MERTK: variants seen among roughly 807,000 people sequenced by gnomAD.
MERTK encodes tyrosine-protein kinase Mer.
In MERTK, 69 loss-of-function variants were observed where a neutral mutation model predicts 99.3. The observed-to-expected ratio is 0.70, with a 90% CI of 0.57 to 0.85. The LOEUF is 0.85. MERTK is among the 40% of genes least tolerant of loss of function. The pLI is 0.00. For missense variants in MERTK, 1,125 were observed against 1,249.4 expected (o/e 0.90, Z 1.50); for synonymous variants, 426 against 467.6 (o/e 0.91, Z 1.15).
chr2:112,005,539 A>G (rs1349100554), intron 13 of MERTK, among the ~76,000 whole-genome samples: 1 of 152,112 alleles, frequency 6.6e-6, no homozygotes, highest in African/African-American at 2.4e-5. Context: ...CAGGAAGTGC[A>G]TTTCTGGAGC....
chr2:112,016,675 A>T (rs1405502917), intron 15 of MERTK, among the ~76,000 whole-genome samples: 1 of 152,238 alleles, frequency 6.6e-6, no homozygotes, highest in African/African-American at 2.4e-5. Context: ...CCCAGTTCTC[A>T]TGGAGATCGA....
At chr2:111,925,292 A>ATATATATATTTTT (rs372747015) in intron 1 of MERTK, among the ~76,000 whole-genome samples, 3 of 24,498 alleles carry the variant, frequency 1.2e-4, no homozygotes, top group African/African-American at 4.3e-4. Flanking sequence ...ATATATATAT[A>ATATATATATTTTT]TTTTTTTTTT....
intron 2 of MERTK, chr2:111,940,844 T>G (rs1172881103): frequency 1.5e-5 from 13 of 884,680 alleles, no homozygotes; most frequent in Non-Finnish European, 2.1e-5. Context: ...TTAACATCTC[T>G]GAGATACTTT....
intron 15 of MERTK, among the ~76,000 whole-genome samples, chr2:112,012,032 G>A (rs1213819621): frequency 6.6e-6 from 1 of 152,206 alleles, no homozygotes; most frequent in Non-Finnish European, 1.5e-5. Flanking sequence ...AAGTGTGCAA[G>A]GTAACTAGAC....
In MERTK at chr2:111,900,623, A is replaced by G. The variant is rs569240865; in HGVS notation, c.61+1827A>G. On this transcript the variant is annotated intron_variant, in intron 1 of 18. Coordinates refer to ENST00000295408, the MANE Select transcript of MERTK (RefSeq NM_006343.3). ...AACAAATTTTTGTAGCTGACAATCA[A>G]CTTTAATCAGACAATCATAAAAAGG... Among the ~76,000 whole-genome samples, 22 of 152,324 alleles carry G rather than the reference A, an allele frequency of 1.4e-4. No individual in the cohort carries two copies. In the East Asian group the frequency reaches 3.9e-3, roughly 27 times the overall value.
intron 1 of MERTK, among the ~76,000 whole-genome samples, chr2:111,921,315 C>T (rs1323430731): frequency 1.3e-5 from 2 of 152,094 alleles, no homozygotes; most frequent in Non-Finnish European, 2.9e-5. Flanking sequence ...GCCTGACCAA[C>T]ATGGTGAAAC....
At chr2:111,960,206 C>T (rs529670590) in intron 4 of MERTK, among the ~76,000 whole-genome samples, 33 of 151,972 alleles carry the variant, frequency 2.2e-4, no homozygotes, top group Non-Finnish European at 3.5e-4. Context: ...TTTGGCTGGA[C>T]GTGGTGGCTC....
At chr2:112,019,214 C>T in intron 15 of MERTK, 199 bp from the exon 16 acceptor site, 1 of 702,644 alleles carries the variant, frequency 1.4e-6, no homozygotes, top group Non-Finnish European at 2.6e-6. Context: ...ATGATGTTTG[C>T]CAAGAAGTTT....
At position 112,021,404 on chromosome 2, in the gene MERTK, G is replaced by A. The variant is rs765234228; in HGVS notation, c.2190-18G>A. The A allele has an allele frequency of 8.4e-5, 136 of 1,612,310 alleles. No homozygotes were observed. In the South Asian group the frequency reaches 9.4e-4, roughly 11 times the overall value. On this transcript the variant is annotated intron_variant, in intron 16 of 18. Coordinates refer to ENST00000295408, the MANE Select transcript of MERTK (RefSeq NM_006343.3). Reference sequence around the variant, plus strand: ...CATTGCCTCTGACGCTGCTGAAGACGTAACCTGCTCTCTGTAGGTTGCGAG... The same window carrying A: ...CATTGCCTCTGACGCTGCTGAAGACATAACCTGCTCTCTGTAGGTTGCGAG...
intron 10 of MERTK, among the ~76,000 whole-genome samples, chr2:111,999,075 T>C (rs375727529): frequency 6.6e-5 from 10 of 152,292 alleles, no homozygotes; most frequent in African/African-American, 2.2e-4. Context: ...GGCCCATAGA[T>C]GGTGTTGGTT....
intron 1 of MERTK, among the ~76,000 whole-genome samples, chr2:111,925,292 A>ATATT (rs372747015): frequency 0.013 from 307 of 24,518 alleles, 26 homozygotes; most frequent in East Asian, 0.021. Context: ...ATATATATAT[A>ATATT]TTTTTTTTTT....
In MERTK at chr2:112,021,534, G is replaced by A. The variant is rs878853353; in HGVS notation, c.2302G>A (p.Ala768Thr). 2.5e-5 allele frequency: 39 copies of A among 1,572,336 alleles called. No homozygotes were observed. Among genetic ancestry groups the A allele is most frequent in the East Asian group, 2.3e-5 (1 of 43,142 alleles). ...TGCTAAGATGCCTGTTAAATGGATC[G>A]CCATAGAAAGTCTTGCAGACCGAGT... Reference protein sequence around the residue: ...RIAKMPVKWIAIESLADRVYT... With the variant: ...RIAKMPVKWITIESLADRVYT... Residue 768 changes from alanine (A) to threonine (T), a missense_variant, in exon 17 of 19, where the codon GCC becomes ACC. Physicochemically the swap from Ala to Thr is moderately conservative, Grantham distance 58 (BLOSUM62 0). Coordinates refer to ENST00000295408, the MANE Select transcript of MERTK (RefSeq NM_006343.3).
intron 4 of MERTK, among the ~76,000 whole-genome samples, chr2:111,950,857 G>A (rs944582730): frequency 6.6e-6 from 1 of 152,046 alleles, no homozygotes; most frequent in African/African-American, 2.4e-5. Context: ...AAGTTTAGAA[G>A]AAAAAGACAT....
intron 1 of MERTK, among the ~76,000 whole-genome samples, chr2:111,901,562 T>TC (rs1228439150): frequency 6.0e-5 from 9 of 149,414 alleles, no homozygotes; most frequent in African/African-American, 1.5e-4. Flanking sequence ...TTTCTTTCTT[T>TC]TTTTTTTTTT....
chr2:112,003,715 C>T (rs141007975), intron 12 of MERTK, among the ~76,000 whole-genome samples, 189 bp from the exon 13 acceptor site: 2 of 152,286 alleles, frequency 1.3e-5, no homozygotes, highest in African/African-American at 2.4e-5. Context: ...AAGCTCGTGA[C>T]AAGCAGGAGA....
chr2:111,937,610 C>G (rs1272787850), intron 2 of MERTK, among the ~76,000 whole-genome samples: 2 of 152,024 alleles, frequency 1.3e-5, no homozygotes, highest in African/African-American at 4.8e-5. Context: ...CCCATCTTGC[C>G]TTACTGGGGC....
At chr2:111,963,402 G>C (rs927105432) in intron 4 of MERTK, among the ~76,000 whole-genome samples, 1 of 152,176 alleles carries the variant, frequency 6.6e-6, no homozygotes, top group Non-Finnish European at 1.5e-5. Flanking sequence ...CGGGTGTCGG[G>C]CTGGGGGACG....
chr2:112,014,323 G>C, intron 15 of MERTK, among the ~76,000 whole-genome samples: 1 of 150,636 alleles, frequency 6.6e-6, no homozygotes, highest in Non-Finnish European at 1.5e-5. Flanking sequence ...GCCCGGCCAT[G>C]CCTGGCTAAT....
chr2:112,021,077 G>A (rs991059521), intron 16 of MERTK, among the ~76,000 whole-genome samples: 1 of 151,414 alleles, frequency 6.6e-6, no homozygotes, highest in African/African-American at 2.4e-5. Context: ...GTGTGTACCT[G>A]TAATCCCAGC....
Sources: gnomAD v4.1 joint callset for allele counts (sites outside exome capture counted in the v4.1 genomes callset) on GRCh38, gnomAD v4.1.1 for gene constraint, MANE v1.5 for transcripts, NCBI Gene and HGNC (gene_info 2026-07-23, HGNC 2026-07-21) for gene names.